APPL2: variants seen among roughly 807,000 people sequenced by gnomAD.
The protein encoded by APPL2 is adaptor protein, phosphotyrosine interacting with PH domain and leucine zipper 2, also known as DCC-interacting protein 13-beta.
APPL2 carries 84 observed loss-of-function variants against 92.7 expected under a neutral mutation model. That is an observed-to-expected ratio of 0.91 (90% CI 0.76 to 1.09). The LOEUF (loss-of-function observed/expected upper bound fraction) is 1.09. Ranked by LOEUF, APPL2 falls within the 50% of genes least tolerant of loss-of-function variation. The probability of loss-of-function intolerance (pLI) is 0.00; values close to 1 mark genes in which losing one functional copy is unlikely to be tolerated. For missense variants in APPL2, 736 were observed against 824.5 expected, an observed-to-expected ratio of 0.89 and a Z score of 1.31; for synonymous variants, 291 against 291.0, an observed-to-expected ratio of 1.00 and a Z score of 0.00.
At chr12:105,205,556 G>C (rs1888628422) in intron 8 of APPL2, among the ~76,000 whole-genome samples, 2 of 152,176 alleles carry the variant, frequency 1.3e-5, no homozygotes, top group African/African-American at 4.8e-5. Flanking sequence ...AGCTTGTCCT[G>C]TAGGCCTTGC....
intron 14 of APPL2, among the ~76,000 whole-genome samples, chr12:105,193,803 C>T (rs184375705): frequency 4.6e-5 from 7 of 152,292 alleles, no homozygotes; most frequent in Admixed American, 2.6e-4. Flanking sequence ...CTTGCACTCT[C>T]CCCTTCTTCC....
chr12:105,220,714 T>A (rs913371203), intron 2 of APPL2, among the ~76,000 whole-genome samples: 10 of 152,170 alleles, frequency 6.6e-5, no homozygotes, highest in Admixed American at 5.9e-4. Context: ...GCTCCGAATG[T>A]AATGGAAAGA....
chr12:105,230,303 G>A (rs1464099331), intron 1 of APPL2, among the ~76,000 whole-genome samples: 1 of 152,102 alleles, frequency 6.6e-6, no homozygotes, highest in Non-Finnish European at 1.5e-5. Context: ...CATCCACGGT[G>A]CTCAGAACAC....
Position 105,207,177 on chromosome 12 carries a change from C to T in APPL2, c.505G>A (p.Ala169Thr), listed in dbSNP as rs759738117. ...GAGAGGTGCTGCTTCCGCCGGGCCG[C>T]GGCCACCTCTTTTCCGACTTCGGTC... ...VKTEVGKEVA[A>T]ARRKQHLSSL... Residue 169 changes from alanine (A) to threonine (T), a missense_variant, in exon 8 of 21, where the codon GCG becomes ACG. Transcript: ENST00000258530. 18 of 1,613,694 alleles carry T rather than the reference C, an allele frequency of 1.1e-5. No homozygotes were observed. The highest frequency in any genetic ancestry group is 3.3e-5 in the Admixed American group (2 of 59,912).
chr12:105,229,363 A>G lies in APPL2; in HGVS notation c.55-140T>C. 4 of 890,690 alleles carry G rather than the reference A, an allele frequency of 4.5e-6. No individual in the cohort carries two copies. In the South Asian group the frequency reaches 7.0e-5, roughly 16 times the overall value. The allele number at this position is 890,690 out of a possible 1,614,324, so 55.2% of individuals were successfully genotyped here. ...ACCTGTTGGTTCCCTGGCTTCTTTTATTGATAGTACCAGTACCATTTGATT... is the reference window on the plus strand; with the variant it reads ...ACCTGTTGGTTCCCTGGCTTCTTTTGTTGATAGTACCAGTACCATTTGATT... On this transcript the variant is annotated intron_variant, in intron 1 of 20. Transcript: ENST00000258530.
In APPL2 at chr12:105,193,680, G is replaced by A. The variant is rs551210758; in HGVS notation, c.1241+1581C>T. On this transcript the variant is annotated intron_variant, in intron 14 of 20. Transcript: ENST00000258530. ...ATCAACTGTTAAATCCTTAAGTTAC[G>A]GTGCTGAAATGTTTCTCGGACTTGT... 2.6e-5 allele frequency among the ~76,000 whole-genome samples: 4 copies of A among 152,200 alleles called. No individual in the cohort carries two copies. In the South Asian group the frequency reaches 6.2e-4, roughly 24 times the overall value.
intron 1 of APPL2, among the ~76,000 whole-genome samples, chr12:105,234,194 TA>T (rs1404292295): frequency 6.6e-6 from 1 of 152,244 alleles, no homozygotes; most frequent in African/African-American, 2.4e-5. Flanking sequence ...ATAATATCTC[TA>T]AACCTCCTCT....
Position 105,211,320 on chromosome 12 carries a change from G to A in APPL2, c.286-3C>T. On this transcript the variant is annotated splice_region_variant and splice_polypyrimidine_tract_variant and intron_variant, in intron 4 of 20. Coordinates refer to ENST00000258530, the MANE Select transcript of APPL2 (RefSeq NM_018171.5). ...AGCTCTGTATGGAGAAGATTAAGCT[G>A]AAAGAAAGAGAATGGTATTCAAGTA... 6.3e-7 allele frequency: 1 copy of A among 1,592,658 alleles called. No individual in the cohort carries two copies.
At chr12:105,200,769 TTC>T (rs1888094976) in intron 9 of APPL2, among the ~76,000 whole-genome samples, 1 of 152,334 alleles carries the variant, frequency 6.6e-6, no homozygotes, top group East Asian at 1.9e-4. Flanking sequence ...CACCTCAGGA[TTC>T]TCTCTCTTCT....
Position 105,197,949 on chromosome 12 carries a change from T to A in APPL2, c.868A>T (p.Thr290Ser). The part of the protein sequence containing the change: ...KAGYLNLRNK[T>S]GLVTTTWERL... ...TCCCAGGTGGTGGTGACCAGCCCTG[T>A]TTTGCTGTGAGTTGTGTTTTAAAAA... The change falls in exon 11 of 21, where the codon ACA becomes TCA. Residue 290 changes from threonine to serine, a missense_variant. Transcript: ENST00000258530. 1 of 1,613,554 alleles carries A rather than the reference T, an allele frequency of 6.2e-7. No individual in the cohort carries two copies. Among genetic ancestry groups the A allele is most frequent in the East Asian group, 2.2e-5 (1 of 44,868 alleles).
At chr12:105,188,815 A>G (rs995078096) in intron 16 of APPL2, among the ~76,000 whole-genome samples, 2 of 152,168 alleles carry the variant, frequency 1.3e-5, no homozygotes, top group African/African-American at 4.8e-5. Flanking sequence ...GCCCACTGAT[A>G]AAGTCCTCTT....
intron 8 of APPL2, among the ~76,000 whole-genome samples, chr12:105,205,373 C>T (rs1383376352): frequency 1.3e-5 from 2 of 152,218 alleles, no homozygotes; most frequent in Admixed American, 6.5e-5. Flanking sequence ...GCTCCTGCCA[C>T]TGAATAATGA....
chr12:105,207,829 T>G (rs1200739336), intron 7 of APPL2, 142 bp downstream of exon 7: 2 of 701,756 alleles, frequency 2.8e-6, no homozygotes, highest in African/African-American at 3.6e-5. Flanking sequence ...CTTATGAGAT[T>G]TGGAATGAAC....
intron 8 of APPL2, among the ~76,000 whole-genome samples, chr12:105,204,326 C>T (rs146116535): frequency 2.0e-5 from 3 of 152,266 alleles, no homozygotes; most frequent in Admixed American, 6.5e-5. Flanking sequence ...TAACCCGGCT[C>T]GTCTGTCTGA....
At chr12:105,176,180 C>A in intron 19 of APPL2, 98 bp from the exon 20 acceptor site, 2 of 1,085,300 alleles carry the variant, frequency 1.8e-6, no homozygotes, top group Non-Finnish European at 2.7e-6. Flanking sequence ...ACTGTTCTCA[C>A]TGTTCCCACT....
rs775875847 is a variant in APPL2, at chr12:105,176,969, CTT to C, written c.1717_1718del (p.Lys573GlufsTer11). 1.5e-5 allele frequency: 24 copies of C among 1,613,962 alleles called. No homozygotes were observed. The highest frequency in any genetic ancestry group is 1.2e-4 in the African/African-American group (9 of 74,906). ...VTQFAAHQEN[K>X]RLVGFVIRVP... ...CACGGATGACAAAACCAACCAGTCT[CTT>C]GTTTTCTTGATGAGCAGCAAATTGT... On this transcript the variant is annotated frameshift_variant, in exon 19 of 21. Coordinates refer to ENST00000258530, the MANE Select transcript of APPL2 (RefSeq NM_018171.5). LOFTEE classifies it high-confidence loss of function.
intron 16 of APPL2, among the ~76,000 whole-genome samples, chr12:105,188,694 G>A (rs1203477984): frequency 2.0e-5 from 3 of 152,202 alleles, no homozygotes; most frequent in African/African-American, 4.8e-5. Flanking sequence ...AAAATGAAAT[G>A]ATGGTGGTAC....
At chr12:105,179,146 C>CCA (rs1885860883) in intron 17 of APPL2, among the ~76,000 whole-genome samples, 1 of 152,122 alleles carries the variant, frequency 6.6e-6, no homozygotes, top group Non-Finnish European at 1.5e-5. Flanking sequence ...TGACACCCAC[C>CCA]CACCAACAGG....
At chr12:105,221,964 G>A (rs1890132703) in intron 2 of APPL2, among the ~76,000 whole-genome samples, 2 of 152,236 alleles carry the variant, frequency 1.3e-5, no homozygotes, top group Admixed American at 6.5e-5. Flanking sequence ...AATATGAATG[G>A]AGAGGCTAGA....
Sources: gnomAD v4.1 joint callset for allele counts (sites outside exome capture counted in the v4.1 genomes callset) on GRCh38, gnomAD v4.1.1 for gene constraint, MANE v1.5 for transcripts, NCBI Gene and HGNC (gene_info 2026-07-23, HGNC 2026-07-21) for gene names.